The following RPS7 variants were observed in gnomAD, a reference collection of about 807,000 sequenced individuals.
The protein encoded by RPS7 is ribosomal protein S7, also known as small ribosomal subunit protein eS7.
Under a neutral mutation model 22.1 loss-of-function variants are expected in RPS7, and 1 was observed. That is an observed-to-expected ratio of 0.05 (90% confidence interval 0.02 to 0.21). The LOEUF is 0.21. Ranked by LOEUF, RPS7 falls within the 10% of genes least tolerant of loss-of-function variation. The probability of loss-of-function intolerance (pLI) is 1.00; values close to 1 mark genes in which losing one functional copy is unlikely to be tolerated. For synonymous variants in RPS7, 80 were observed against 92.0 expected (o/e 0.87, Z 0.74); for missense variants, 137 against 246.4 (o/e 0.56, Z 2.97).
chr2:3,579,326 G>A (rs534538752), intron 5 of RPS7: 9 of 152,390 alleles, frequency 5.9e-5, no homozygotes, highest in African/African-American at 2.2e-4. Context: ...GACATATTAA[G>A]ATGTTGGCAG....
At chr2:3,577,078 G>A (rs997637547) in intron 4 of RPS7, 2 of 241,170 alleles carry the variant, frequency 8.3e-6, no homozygotes, top group Non-Finnish European at 1.7e-5. Context: ...GCTCACTCCT[G>A]TAATCCCAGC....
intron 3 of RPS7, 27 bp downstream of exon 3, chr2:3,575,915 G>C (rs1388684599): frequency 6.5e-7 from 1 of 1,545,778 alleles, no homozygotes; most frequent in Non-Finnish European, 8.9e-7. Flanking sequence ...TCGGCTGGGA[G>C]GGAGGTTGCG....
intron 3 of RPS7, chr2:3,576,190 G>A (rs531410739): frequency 6.4e-5 from 38 of 591,540 alleles, no homozygotes; most frequent in African/African-American, 5.8e-4. Flanking sequence ...AAGAGCTGTG[G>A]GGAGCTCAGG....
intron 4 of RPS7, 103 bp from the exon 5 acceptor site, chr2:3,577,607 T>TA (rs1390791815): frequency 2.4e-6 from 2 of 847,388 alleles, no homozygotes; most frequent in African/African-American, 3.3e-5. Flanking sequence ...ACTTTGAACT[T>TA]ACCCTGCCAT....
chr2:3,577,438 T>G (rs1572358991), intron 4 of RPS7: 1 of 484,612 alleles, frequency 2.1e-6, no homozygotes, highest in East Asian at 3.7e-5. Flanking sequence ...AGTAGTATTC[T>G]GGGTCATAGG....
intron 4 of RPS7, 156 bp downstream of exon 4, chr2:3,576,786 C>A (rs900914616): frequency 3.2e-6 from 3 of 939,552 alleles, no homozygotes; most frequent in Non-Finnish European, 5.3e-6. Flanking sequence ...GTGGCTTAGG[C>A]CTGTAATCCC....
intron 5 of RPS7, chr2:3,579,660 A>G (rs1273874104): frequency 5.0e-6 from 1 of 200,970 alleles, no homozygotes; most frequent in Non-Finnish European, 1.0e-5. Context: ...CTGTGATGCT[A>G]AGTAAATGAT....
chr2:3,577,477 T>C lies in RPS7; in HGVS notation c.292-233T>C, dbSNP rs9808074. ...GGGGAAAGGCGTATCTGGGAGATTT[T>C]GTCCACTGGCGTATTAGTAGAGGCT... On this transcript the variant is annotated intron_variant, in intron 4 of 6. Transcript: ENST00000645674. 0.21 allele frequency: 116,810 copies of C among 557,294 alleles called. 12,934 individuals carry two copies. Among genetic ancestry groups the C allele is most frequent in the African/African-American group, 0.26 (13,817 of 53,040 alleles). 34.5% of individuals were successfully genotyped at this position (557,294 alleles called of 1,614,324 possible). A position where few individuals can be genotyped will look rare whatever the true frequency, so the allele number is the denominator to read the frequency against.
At position 3,580,724 on chromosome 2, in the gene RPS7, G is replaced by A; in HGVS notation, c.508-81G>A. Reference sequence around the variant, plus strand: ...GTTGCTGAGGAGAAAAACAATACAGGGCACAATTTCACGAAACTATTAGGT... The same window carrying A: ...GTTGCTGAGGAGAAAAACAATACAGAGCACAATTTCACGAAACTATTAGGT... On this transcript the variant is annotated intron_variant, in intron 6 of 6. Transcript: ENST00000645674. The A allele has an allele frequency of 3.4e-6, 3 of 874,074 alleles. No homozygotes were observed. In the South Asian group the frequency reaches 4.0e-5, roughly 12 times the overall value. The allele number at this position is 874,074 out of a possible 1,614,324, so 54.1% of individuals were successfully genotyped here. A position where few individuals can be genotyped will look rare whatever the true frequency, so the allele number is the denominator to read the frequency against.
chr2:3,577,226 C>A, intron 4 of RPS7: 1 of 176,302 alleles, frequency 5.7e-6, no homozygotes, highest in East Asian at 1.5e-4. Context: ...GTCCCAGCTA[C>A]TCGGGAGGCT....
At chr2:3,577,462 G>GT in intron 4 of RPS7, 1 of 542,470 alleles carries the variant, frequency 1.8e-6, no homozygotes, top group Non-Finnish European at 3.3e-6. Context: ...GGGGAAAGGC[G>GT]TATCTGGGAG....
chr2:3,575,484 C>T, intron 1 of RPS7, 108 bp from the exon 2 acceptor site: 1 of 741,550 alleles, frequency 1.3e-6, no homozygotes, highest in Non-Finnish European at 2.3e-6. Flanking sequence ...CTGTGCTTTC[C>T]GATGGCTTCT....
intron 6 of RPS7, 72 bp downstream of exon 6, chr2:3,580,332 A>G (rs766541436): frequency 3.1e-6 from 4 of 1,304,172 alleles, no homozygotes; most frequent in South Asian, 2.4e-5. Flanking sequence ...ACCAGTCTCC[A>G]TGCGCCACCA....
At chr2:3,579,691 G>C (rs962705009) in intron 5 of RPS7, 1 of 271,534 alleles carries the variant, frequency 3.7e-6, no homozygotes, top group Non-Finnish European at 7.2e-6. Flanking sequence ...CCGTGCTTTA[G>C]AAAGATTATC....
chr2:3,577,921 G>C (rs567481729), intron 5 of RPS7, 147 bp downstream of exon 5: 2 of 643,452 alleles, frequency 3.1e-6, no homozygotes, highest in Admixed American at 5.5e-5. Flanking sequence ...CACATGATAC[G>C]TTTTAGAATT....
Position 3,580,180 on chromosome 2 carries a change from A to G in RPS7, c.427A>G (p.Arg143Gly). 6 of 1,613,560 alleles carry G rather than the reference A, an allele frequency of 3.7e-6. No individual in the cohort carries two copies. Among genetic ancestry groups the G allele is most frequent in the Non-Finnish European group, 5.1e-6 (6 of 1,179,742 alleles). Residue 143 changes from arginine to glycine, a missense_variant, in exon 6 of 7, where the codon AGA becomes GGA. Around this residue, in one of 2 missense-constraint regions of RPS7, gnomAD observed 74 missense variants for 171.4 expected, o/e 0.43. Transcript: ENST00000645674. ...LVFPSEIVGK[R>G]IRVKLDGSRL... ...CTTCCCAAGCGAAATTGTGGGCAAG[A>G]GAATCCGCGTCAAACTAGATGGCAG...
intron 5 of RPS7, 71 bp from the exon 6 acceptor site, chr2:3,580,039 A>T: frequency 7.2e-7 from 1 of 1,390,700 alleles, no homozygotes; most frequent in Non-Finnish European, 1.0e-6. Flanking sequence ...TTTGACTTAA[A>T]GAGGTGCCCT....
chr2:3,577,640 T>C, intron 4 of RPS7, 70 bp from the exon 5 acceptor site: 2 of 1,095,194 alleles, frequency 1.8e-6, no homozygotes, highest in Non-Finnish European at 2.8e-6. Flanking sequence ...TAAAGCAGTA[T>C]GGCAGTTACA....
rs1661325557 is a variant in RPS7 at position 3,578,087 on chromosome 2, CACAGTTG to C, written c.356+317_356+323del. The C allele has an allele frequency of 1.0e-5, 3 of 297,314 alleles. No homozygotes were observed. The Admixed American group carries it at 1.4e-4, about 14-fold the overall frequency. The allele number at this position is 297,314 out of a possible 1,614,324, so 18.4% of individuals were successfully genotyped here. On this transcript the variant is annotated intron_variant, in intron 5 of 6. Coordinates refer to ENST00000645674, the MANE Select transcript of RPS7 (RefSeq NM_001011.4). ...TAATTCTGTGATATAGCATGCTAGA[CACAGTTG>C]ACATGGGCTTGGATTTATCTTTGAT...
Sources: allele counts gnomAD v4.1 joint callset, GRCh38; gene constraint gnomAD v4.1.1; regional missense constraint gnomAD v4.1.1; transcripts MANE v1.5; gene names NCBI Gene and HGNC (gene_info 2026-07-23, HGNC 2026-07-21).